UGT2A2: variants seen among roughly 807,000 people sequenced by gnomAD.
The protein encoded by UGT2A2 is UDP-glucuronosyltransferase 2A2.
A neutral mutation model predicts 50.7 loss-of-function variants in UGT2A2; 60 were observed. That is an observed-to-expected ratio of 1.18 (90% CI 0.96 to 1.47). The LOEUF (loss-of-function observed/expected upper bound fraction) is 1.47, where lower values mean the gene tolerates loss of function less well. Ranked by LOEUF, UGT2A2 falls within the 40% of genes most tolerant of loss-of-function variation. UGT2A2 has a pLI of 0.00. For synonymous variants in UGT2A2, 242 were observed against 214.6 expected (o/e 1.13, Z -1.11); for missense variants, 762 against 634.0 (o/e 1.20, Z -2.17).
chr4:69,616,833 CT>C (rs4148315), intron 1 of UGT2A2, among the ~76,000 whole-genome samples: 6,249 of 127,200 alleles, frequency 0.049, 123 homozygotes, highest in Middle Eastern at 0.093. Flanking sequence ...ATTTTCTTTT[CT>C]TTTTTTTTTT....
rs1481510861 is a variant in UGT2A2, at chr4:69,588,964, A to G, written c.*408T>C. 1 of 154,438 alleles carries G rather than the reference A, an allele frequency of 6.5e-6. No individual in the cohort carries two copies. The highest frequency in any genetic ancestry group is 6.4e-5 in the Admixed American group (1 of 15,642). The allele number at this position is 154,438 out of a possible 1,614,324, so 9.6% of individuals were successfully genotyped here. On this transcript the variant is annotated 3_prime_UTR_variant, in exon 6 of 6. Coordinates refer to ENST00000604629, the MANE Select transcript of UGT2A2 (RefSeq NM_001105677.2). ...TTTGTTTGGTATATGGAAATTTGTGAATTTGACTCTTCCTTACACCTATCA... is the reference window on the plus strand; with the variant it reads ...TTTGTTTGGTATATGGAAATTTGTGGATTTGACTCTTCCTTACACCTATCA...
intron 1 of UGT2A2, among the ~76,000 whole-genome samples, chr4:69,619,717 C>A (rs562186264): frequency 6.6e-6 from 1 of 151,852 alleles, no homozygotes; most frequent in Non-Finnish European, 1.5e-5. Flanking sequence ...AAAATTCAGG[C>A]CAACAACCTT....
intron 1 of UGT2A2, among the ~76,000 whole-genome samples, chr4:69,623,044 T>C (rs567613850): frequency 2.6e-5 from 4 of 151,952 alleles, no homozygotes; most frequent in East Asian, 1.9e-4. Flanking sequence ...TCTGAATTAA[T>C]TGAAATTTTC....
intron 1 of UGT2A2, among the ~76,000 whole-genome samples, chr4:69,623,094 T>C (rs1720844397): frequency 6.6e-6 from 1 of 151,866 alleles, no homozygotes; most frequent in African/African-American, 2.4e-5. Flanking sequence ...AGATAACAGC[T>C]ACATAATTCT....
intron 1 of UGT2A2, among the ~76,000 whole-genome samples, chr4:69,627,029 G>A (rs1250597825): frequency 6.6e-6 from 1 of 151,638 alleles, no homozygotes; most frequent in African/African-American, 2.4e-5. Flanking sequence ...TTAGATAATG[G>A]CATATAAAAC....
At chr4:69,637,037 C>T (rs1306957243) in intron 1 of UGT2A2, among the ~76,000 whole-genome samples, 1 of 152,080 alleles carries the variant, frequency 6.6e-6, no homozygotes, top group African/African-American at 2.4e-5. Context: ...CTATCCAATA[C>T]ATAGCTGGGT....
rs771080532 is a variant in UGT2A2, at chr4:69,594,551, A to G, written c.1257T>C (p.Ala419=). Residue 419 remains alanine, a synonymous_variant, in exon 5 of 6, where the codon GCT becomes GCC. Coordinates refer to ENST00000604629, the MANE Select transcript of UGT2A2 (RefSeq NM_001105677.2). ...NIAHMKAKGA[A]VEVNLNTMTS... ...TCATTGTGTTTAGGTTCACTTCCAC[A>G]GCTGCTCCTTTGGCCTTCATGTGAG... 1 of 1,614,190 alleles carries G rather than the reference A, an allele frequency of 6.2e-7. No individual in the cohort carries two copies. The highest frequency in any genetic ancestry group is 8.5e-7 in the Non-Finnish European group (1 of 1,180,044).
intron 1 of UGT2A2, among the ~76,000 whole-genome samples, chr4:69,616,068 G>A (rs1341526409): frequency 1.3e-5 from 2 of 151,974 alleles, no homozygotes; most frequent in Non-Finnish European, 2.9e-5. Flanking sequence ...CAATAACTTG[G>A]ATGAATCTAG....
At chr4:69,610,353 T>C (rs1480787466) in intron 1 of UGT2A2, among the ~76,000 whole-genome samples, 1 of 152,116 alleles carries the variant, frequency 6.6e-6, no homozygotes, top group Admixed American at 6.6e-5. Flanking sequence ...TGGGGCAGGG[T>C]ACAAATCATT....
At chr4:69,627,839 A>C (rs1272327089) in intron 1 of UGT2A2, among the ~76,000 whole-genome samples, 1 of 151,968 alleles carries the variant, frequency 6.6e-6, no homozygotes, top group Non-Finnish European at 1.5e-5. Flanking sequence ...GAAAATTTAT[A>C]AATGTCATAG....
rs780089213 is a variant in UGT2A2 at position 69,639,634 on chromosome 4, A to T, written c.7T>A (p.Ser3Thr). Reference sequence around the variant, plus strand: ...TTAGGCATGGTAAAATCCCTTATGGAAACCATCCTACTGTAGATCCTTCAA... The same window carrying T: ...TTAGGCATGGTAAAATCCCTTATGGTAACCATCCTACTGTAGATCCTTCAA... MV[S>T]IRDFTMPKKF... is the part of the protein sequence containing the mutation. Residue 3 changes from serine (S) to threonine (T), a missense_variant, in exon 1 of 6, where the codon TCC becomes ACC. Ser to Thr is a moderately conservative substitution (Grantham distance 58, BLOSUM62 1). Transcript: ENST00000604629. 4.1e-5 allele frequency: 65 copies of T among 1,577,320 alleles called. No individual in the cohort carries two copies. The highest frequency in any genetic ancestry group is 5.3e-5 in the Non-Finnish European group (62 of 1,166,814).
At chr4:69,601,186 C>T (rs555530029) in intron 1 of UGT2A2, among the ~76,000 whole-genome samples, 1 of 152,110 alleles carries the variant, frequency 6.6e-6, no homozygotes, top group Non-Finnish European at 1.5e-5. Flanking sequence ...GCAGCAGAGG[C>T]GGCTGCACTT....
chr4:69,629,886 A>C (rs1721290282), intron 1 of UGT2A2, among the ~76,000 whole-genome samples: 1 of 152,082 alleles, frequency 6.6e-6, no homozygotes, highest in African/African-American at 2.4e-5. Flanking sequence ...CCATAAGAAT[A>C]ATCAGTAAGA....
At chr4:69,622,712 G>A (rs1006368726) in intron 1 of UGT2A2, among the ~76,000 whole-genome samples, 7 of 151,750 alleles carry the variant, frequency 4.6e-5, no homozygotes, top group Admixed American at 2.6e-4. Context: ...TATACTTGAT[G>A]TCTAGGCAAT....
At chr4:69,596,628 T>A (rs749749632) in intron 2 of UGT2A2, among the ~76,000 whole-genome samples, 1 of 152,146 alleles carries the variant, frequency 6.6e-6, no homozygotes, top group Non-Finnish European at 1.5e-5. Context: ...TTCAAGTGAT[T>A]CTCACACCTC....
At chr4:69,595,710 T>C (rs966404128) in intron 3 of UGT2A2, among the ~76,000 whole-genome samples, 2 of 152,206 alleles carry the variant, frequency 1.3e-5, no homozygotes, top group African/African-American at 2.4e-5. Context: ...AGAAATTGCA[T>C]GTTGTTGGAC....
At chr4:69,631,125 C>T (rs574690474) in intron 1 of UGT2A2, among the ~76,000 whole-genome samples, 282 of 152,092 alleles carry the variant, frequency 1.9e-3, no homozygotes, top group Non-Finnish European at 3.1e-3. Context: ...ATATCAAATG[C>T]TTTATTTTTG....
chr4:69,592,150 G>A (rs1718630605), intron 5 of UGT2A2, among the ~76,000 whole-genome samples: 2 of 152,028 alleles, frequency 1.3e-5, no homozygotes, highest in Non-Finnish European at 2.9e-5. Flanking sequence ...TTTTAAGCAG[G>A]TTACTTCCGT....
At chr4:69,616,041 G>GA (rs1274313446) in intron 1 of UGT2A2, among the ~76,000 whole-genome samples, 3 of 151,966 alleles carry the variant, frequency 2.0e-5, no homozygotes, top group African/African-American at 7.2e-5. Context: ...ACGGACAAGT[G>GA]AAAATCCCGT....
Sources: gnomAD v4.1 joint callset for allele counts (sites outside exome capture counted in the v4.1 genomes callset) on GRCh38, gnomAD v4.1.1 for gene constraint, MANE v1.5 for transcripts, NCBI Gene and HGNC (gene_info 2026-07-23, HGNC 2026-07-21) for gene names.